UGT1A9: variants seen among roughly 807,000 people sequenced by gnomAD.
UGT1A9 encodes UDP glucuronosyltransferase family 1 member A9, also known as UDP-glucuronosyltransferase 1A9.
A neutral mutation model predicts 45.0 loss-of-function variants in UGT1A9; 35 were observed. The observed-to-expected ratio is 0.78, with a 90% CI of 0.59 to 1.03. UGT1A9 has a LOEUF of 1.03. Ranked by LOEUF, UGT1A9 falls within the 50% of genes least tolerant of loss-of-function variation. The pLI is 0.00. For synonymous variants in UGT1A9, 278 were observed against 250.6 expected (o/e 1.11, Z -1.03); for missense variants, 687 against 666.6 (o/e 1.03, Z -0.34).
At chr2:233,722,525 T>C (rs1187411582) in intron 1 of UGT1A9, among the ~76,000 whole-genome samples, 1 of 152,230 alleles carries the variant, frequency 6.6e-6, no homozygotes, top group Non-Finnish European at 1.5e-5. Flanking sequence ...TATTTTTGCC[T>C]TAATGATTTC....
Position 233,734,907 on chromosome 2 carries a change from A to G in UGT1A9, c.856-32127A>G, listed in dbSNP as rs551401777. Among the ~76,000 whole-genome samples, 233 of 152,140 alleles carry G rather than the reference A, an allele frequency of 1.5e-3. 2 individuals carry two copies. The highest frequency in any genetic ancestry group is 5.2e-3 in the African/African-American group (218 of 41,544). On this transcript the variant is annotated intron_variant, in intron 1 of 4. Coordinates refer to ENST00000354728, the MANE Select transcript of UGT1A9 (RefSeq NM_021027.3). The stretch of plus-strand genomic sequence containing the variant: ...TTTGTTGTGATTTCTATTCTTTTAC[A>G]TTTGCTAAGGAGTGCTTTACTTACA...
chr2:233,679,702 T>C (rs2074460020), intron 1 of UGT1A9, among the ~76,000 whole-genome samples: 1 of 152,196 alleles, frequency 6.6e-6, no homozygotes, highest in South Asian at 2.1e-4. Context: ...CTGGTTCTCC[T>C]GTTATCTGGA....
At chr2:233,746,500 G>A (rs1693410791) in intron 1 of UGT1A9, among the ~76,000 whole-genome samples, 1 of 151,712 alleles carries the variant, frequency 6.6e-6, no homozygotes, top group African/African-American at 2.4e-5. Context: ...TCACTCTTTA[G>A]TAGCCCCCAA....
intron 1 of UGT1A9, chr2:233,690,440 C>T: frequency 7.8e-7 from 1 of 1,280,204 alleles, no homozygotes; most frequent in Non-Finnish European, 1.0e-6. Flanking sequence ...TTGGGTCTCT[C>T]CTCTATTCAA....
intron 1 of UGT1A9, chr2:233,742,016 C>T (rs115965783): frequency 0.01 from 1,533 of 152,008 alleles, 58 homozygotes; most frequent in African/African-American, 0.035. Context: ...CTTTCATCAA[C>T]CTAATTTGAT....
intron 1 of UGT1A9, chr2:233,729,156 GT>G (rs1390322466): frequency 4.5e-5 from 73 of 1,613,462 alleles, no homozygotes; most frequent in Middle Eastern, 1.7e-4. Flanking sequence ...TTCCCCTGCC[GT>G]GGCTGGCCAC....
Position 233,736,651 on chromosome 2 carries a change from G to A in UGT1A9, c.856-30383G>A, listed in dbSNP as rs2078789354. Reference sequence around the variant, plus strand: ...GCTCTAGTTTCCCCCCATCTTTGTGGTTTTATGTACCTTAGGTCTTTGATG... The same window carrying A: ...GCTCTAGTTTCCCCCCATCTTTGTGATTTTATGTACCTTAGGTCTTTGATG... On this transcript the variant is annotated intron_variant, in intron 1 of 4. Transcript: ENST00000354728. Among the ~76,000 whole-genome samples the A allele has an allele frequency of 2.0e-5, 3 of 152,328 alleles. No individual in the cohort carries two copies. The South Asian group carries it at 6.2e-4, about 32-fold the overall frequency.
chr2:233,693,984 A>G, intron 1 of UGT1A9: 1 of 1,550,602 alleles, frequency 6.4e-7, no homozygotes, highest in Non-Finnish European at 8.7e-7. Context: ...CGGTGGGGGG[A>G]AGTGATACCC....
chr2:233,672,433 G>A lies in UGT1A9; in HGVS notation c.499G>A (p.Val167Ile). The A allele has an allele frequency of 6.2e-7, 1 of 1,613,864 alleles. No individual in the cohort carries two copies. Among genetic ancestry groups the A allele is most frequent in the Non-Finnish European group, 8.5e-7 (1 of 1,179,862 alleles). Reference protein sequence around the residue: ...VAKYFSLPSVVFARGILCHYL... With the variant: ...VAKYFSLPSVIFARGILCHYL... ...CAAATATTTCTCCCTCCCCTCCGTGGTCTTCGCCAGGGGAATACTTTGCCA... is the reference window on the plus strand; with the variant it reads ...CAAATATTTCTCCCTCCCCTCCGTGATCTTCGCCAGGGGAATACTTTGCCA... Residue 167 changes from valine (V) to isoleucine (I), a missense_variant, in exon 1 of 5, where the codon GTC becomes ATC. Physicochemically the swap from Val to Ile is conservative, Grantham distance 29. Coordinates refer to ENST00000354728, the MANE Select transcript of UGT1A9 (RefSeq NM_021027.3).
intron 1 of UGT1A9, among the ~76,000 whole-genome samples, chr2:233,757,986 C>T (rs2125961594): frequency 6.6e-6 from 1 of 152,224 alleles, no homozygotes; most frequent in South Asian, 2.1e-4. Context: ...GAGCACCATC[C>T]CCTGTAATTG....
At chr2:233,680,480 TGGAA>T (rs977170020) in intron 1 of UGT1A9, among the ~76,000 whole-genome samples, 4 of 152,182 alleles carry the variant, frequency 2.6e-5, no homozygotes, top group Non-Finnish European at 4.4e-5. Context: ...TAGGGTGTCC[TGGAA>T]GGAACCATCT....
chr2:233,771,369 G>A (rs987787590), intron 4 of UGT1A9: 2 of 151,684 alleles, frequency 1.3e-5, no homozygotes, highest in African/African-American at 4.8e-5. Flanking sequence ...CACCTAACCC[G>A]TTTTGGATTG....
At chr2:233,756,081 A>G (rs1239425363) in intron 1 of UGT1A9, 2 of 152,230 alleles carry the variant, frequency 1.3e-5, no homozygotes, top group South Asian at 2.1e-4. Context: ...ACAATGAGAA[A>G]ATCAAGTAAC....
chr2:233,679,939 G>A (rs7579530), intron 1 of UGT1A9, among the ~76,000 whole-genome samples: 97,787 of 151,998 alleles, frequency 0.64, 31,924 homozygotes, highest in African/African-American at 0.72. Context: ...TTCACAAAAA[G>A]ATGCGAGGTT....
At chr2:233,721,854 C>G in intron 1 of UGT1A9, 1 of 513,502 alleles carries the variant, frequency 1.9e-6, no homozygotes, top group Non-Finnish European at 3.9e-6. Context: ...AGCCCCACTG[C>G]TCGGCCCTGG....
chr2:233,683,467 A>G (rs2074635741), intron 1 of UGT1A9, among the ~76,000 whole-genome samples: 1 of 152,064 alleles, frequency 6.6e-6, no homozygotes, highest in Non-Finnish European at 1.5e-5. Flanking sequence ...TACATTATAT[A>G]TATTTTCATA....
At chr2:233,693,331 G>C (rs754916452) in intron 1 of UGT1A9, 34 of 1,614,074 alleles carry the variant, frequency 2.1e-5, no homozygotes, top group Non-Finnish European at 2.8e-5. Flanking sequence ...CTGCTCCTCA[G>C]ACAGAGTACA....
At chr2:233,727,543 C>G (rs1033335466) in intron 1 of UGT1A9, among the ~76,000 whole-genome samples, 5 of 152,154 alleles carry the variant, frequency 3.3e-5, no homozygotes, top group Non-Finnish European at 7.3e-5. Flanking sequence ...GTGTTCCACC[C>G]GTCACCTGGG....
At chr2:233,727,367 A>G (rs1174142839) in intron 1 of UGT1A9, among the ~76,000 whole-genome samples, 6 of 152,052 alleles carry the variant, frequency 3.9e-5, no homozygotes, top group Non-Finnish European at 7.4e-5. Flanking sequence ...TAGGGCCCCT[A>G]GGTCTCTGGA....
Sources: gnomAD v4.1 joint callset for allele counts (sites outside exome capture counted in the v4.1 genomes callset) on GRCh38, gnomAD v4.1.1 for gene constraint, MANE v1.5 for transcripts, NCBI Gene and HGNC (gene_info 2026-07-23, HGNC 2026-07-21) for gene names.